The following RTN1 variants were observed in gnomAD, a reference collection of about 807,000 sequenced individuals.
RTN1 encodes reticulon-1.
A neutral mutation model predicts 65.5 loss-of-function variants in RTN1; 25 were observed. The ratio of observed to expected loss-of-function variants is 0.38; its 90% CI spans 0.28 to 0.53. The LOEUF is 0.53. Among genes scored for constraint, RTN1 ranks in the 20% least tolerant of loss-of-function variants. The pLI is 0.79. For synonymous variants in RTN1, 471 were observed against 447.6 expected (o/e 1.05, Z -0.66); for missense variants, 983 against 1,025.4 (o/e 0.96, Z 0.57).
At chr14:59,759,726 A>G (rs977438432) in intron 1 of RTN1, among the ~76,000 whole-genome samples, 5 of 152,140 alleles carry the variant, frequency 3.3e-5, no homozygotes, top group African/African-American at 9.7e-5. Context: ...AAAACAGAGA[A>G]TATAAACAAA....
chr14:59,787,296 C>G (rs992887750), intron 1 of RTN1, among the ~76,000 whole-genome samples: 10 of 152,096 alleles, frequency 6.6e-5, no homozygotes, highest in Non-Finnish European at 1.0e-4. Context: ...GGGCTTGAAT[C>G]CTTGACCTGC....
intron 1 of RTN1, among the ~76,000 whole-genome samples, chr14:59,788,510 T>G (rs1184513016): frequency 1.3e-5 from 2 of 152,238 alleles, no homozygotes; most frequent in Non-Finnish European, 2.9e-5. Flanking sequence ...GCCACTTGTA[T>G]TTATTTTTCC....
At chr14:59,645,503 A>T (rs1431403522) in intron 3 of RTN1, among the ~76,000 whole-genome samples, 1 of 152,152 alleles carries the variant, frequency 6.6e-6, no homozygotes, top group East Asian at 1.9e-4. Context: ...AGGTTCTCCC[A>T]GCCTGGGTCT....
chr14:59,703,641 G>A (rs886308660), intron 3 of RTN1, among the ~76,000 whole-genome samples: 1 of 152,154 alleles, frequency 6.6e-6, no homozygotes, highest in East Asian at 1.9e-4. Flanking sequence ...TATGTTTATT[G>A]TTCTTGTCTT....
rs146755146 is a variant in RTN1, at chr14:59,631,357, C to G, written c.1766-23865G>C. ...TGGTACGTGGAGTCATTGGTCAATG[C>G]AGTGACAATCCAAGGGTGTCATTTG... is the stretch of plus-strand genomic sequence containing the variant. On this transcript the variant is annotated intron_variant, in intron 3 of 8. Transcript: ENST00000267484. Among the ~76,000 whole-genome samples the G allele has an allele frequency of 2.0e-5, 3 of 152,160 alleles. No homozygotes were observed. The East Asian group carries it at 5.8e-4, about 29-fold the overall frequency.
rs554376455 is a variant in RTN1 at position 59,849,086 on chromosome 14, T to C, written c.241+21304A>G. Among the ~76,000 whole-genome samples, 1 of 152,348 alleles carries C rather than the reference T, an allele frequency of 6.6e-6. No homozygotes were observed. Among genetic ancestry groups the C allele is most frequent in the East Asian group, 1.9e-4 (1 of 5,190 alleles). On this transcript the variant is annotated intron_variant, in intron 1 of 8. Transcript: ENST00000267484. The surrounding 1 kb of genome is among the most constrained non-coding windows in gnomAD (Gnocchi z 4.5). ...GAAGACTCCTTTTCTATATGTAGTT[T>C]ATGGCCTTGGTTGGAAACAATAGAA...
chr14:59,715,195 G>A (rs1039069111), intron 3 of RTN1, among the ~76,000 whole-genome samples: 1 of 152,212 alleles, frequency 6.6e-6, no homozygotes, highest in East Asian at 1.9e-4. Flanking sequence ...ATGACCTTAT[G>A]TCTCATCCCA....
chr14:59,687,089 A>G (rs544824891), intron 3 of RTN1, among the ~76,000 whole-genome samples: 1 of 152,244 alleles, frequency 6.6e-6, no homozygotes, highest in African/African-American at 2.4e-5. Context: ...CTACAGCTGC[A>G]TCTCATCTGG....
chr14:59,788,599 T>A (rs900066197), intron 1 of RTN1, among the ~76,000 whole-genome samples: 1 of 152,230 alleles, frequency 6.6e-6, no homozygotes, highest in Non-Finnish European at 1.5e-5. Context: ...GTTAAATACA[T>A]TGGTCATGTA....
chr14:59,776,909 T>A (rs971282553), intron 1 of RTN1, among the ~76,000 whole-genome samples: 8 of 152,126 alleles, frequency 5.3e-5, no homozygotes, highest in Non-Finnish European at 8.8e-5. Context: ...GGGACATGAG[T>A]GAGATTAATT....
chr14:59,695,870 CAT>C (rs1228799950), intron 3 of RTN1, among the ~76,000 whole-genome samples: 3 of 151,928 alleles, frequency 2.0e-5, no homozygotes, highest in Admixed American at 6.6e-5. Context: ...GATACACACA[CAT>C]ATCAGAAAGA....
At chr14:59,697,936 G>T (rs1884098059) in intron 3 of RTN1, among the ~76,000 whole-genome samples, 1 of 152,148 alleles carries the variant, frequency 6.6e-6, no homozygotes, top group African/African-American at 2.4e-5. Context: ...AAGCGGGTTG[G>T]AGGAGGTAGA....
At position 59,801,431 on chromosome 14, in the gene RTN1, A is replaced by C. The variant is rs377381837; in HGVS notation, c.242-54950T>G. On this transcript the variant is annotated intron_variant, in intron 1 of 8. Transcript: ENST00000267484. ...CTTATCAGAAACTATGCAAGCCAGA[A>C]GACAACAGAATAGCATATTTAACAT... Among the ~76,000 whole-genome samples the C allele has an allele frequency of 6.6e-5, 10 of 152,208 alleles. No individual in the cohort carries two copies. The East Asian group carries it at 7.7e-4, about 12-fold the overall frequency.
intron 3 of RTN1, chr14:59,630,629 T>C (rs916798017): frequency 7.2e-7 from 1 of 1,397,264 alleles, no homozygotes; most frequent in South Asian, 1.7e-5. Context: ...AGACTGAGGC[T>C]GCACCAGGCG....
rs1262069907 is a variant in RTN1, at chr14:59,615,186, A to T, written c.1766-7694T>A. On this transcript the variant is annotated intron_variant, in intron 3 of 8. Coordinates refer to ENST00000267484, the MANE Select transcript of RTN1 (RefSeq NM_021136.3). ...TAAAAGCGGCTGGGCATGGCGGCTCATGCCTGTAATCCCAGCACTTTGGGA... is the reference window on the plus strand; with the variant it reads ...TAAAAGCGGCTGGGCATGGCGGCTCTTGCCTGTAATCCCAGCACTTTGGGA... 7.0e-4 allele frequency among the ~76,000 whole-genome samples: 106 copies of T among 152,222 alleles called. 1 individual carries two copies. Among genetic ancestry groups the T allele is most frequent in the Non-Finnish European group, 8.8e-5 (6 of 68,038 alleles).
intron 3 of RTN1, 184 bp from the exon 4 acceptor site, chr14:59,607,676 G>A (rs1239569773): frequency 1.6e-6 from 1 of 611,032 alleles, no homozygotes; most frequent in African/African-American, 1.8e-5. Context: ...TGGTTTGGAA[G>A]AATCTTTTCC....
intron 1 of RTN1, among the ~76,000 whole-genome samples, chr14:59,867,179 T>A (rs1887813860): frequency 6.6e-6 from 1 of 152,212 alleles, no homozygotes; most frequent in African/African-American, 2.4e-5. Flanking sequence ...ATGTTCTATT[T>A]AAAATTCTTT....
chr14:59,798,440 A>G (rs1886478932), intron 1 of RTN1, among the ~76,000 whole-genome samples: 1 of 152,230 alleles, frequency 6.6e-6, no homozygotes, highest in Non-Finnish European at 1.5e-5. Flanking sequence ...TATGGAATTC[A>G]AAAGGTCCTA....
intron 3 of RTN1, among the ~76,000 whole-genome samples, chr14:59,676,606 G>A (rs957061104): frequency 6.6e-6 from 1 of 152,092 alleles, no homozygotes; most frequent in South Asian, 2.1e-4. Context: ...TCAAAGAGGA[G>A]GCAGGACAAC....
Sources: gnomAD v4.1 joint callset for allele counts (sites outside exome capture counted in the v4.1 genomes callset) on GRCh38, gnomAD v4.1.1 for gene constraint, Gnocchi (gnomAD v3.1) non-coding constraint, MANE v1.5 for transcripts, NCBI Gene and HGNC (gene_info 2026-07-23, HGNC 2026-07-21) for gene names.